Variants in INPP4B observed in about 807,000 individuals in gnomAD.
The protein encoded by INPP4B is inositol polyphosphate 4-phosphatase type II.
A neutral mutation model predicts 122.5 loss-of-function variants in INPP4B; 55 were observed. The observed-to-expected ratio is 0.45, with a 90% CI of 0.36 to 0.56. INPP4B has a LOEUF of 0.56. Among genes scored for constraint, INPP4B ranks in the 20% least tolerant of loss-of-function variants. INPP4B has a pLI of 0.00. For missense variants in INPP4B, 1,000 were observed against 1,097.7 expected (o/e 0.91, Z 1.26); for synonymous variants, 403 against 388.7 (o/e 1.04, Z -0.43).
At chr4:142,091,199 T>C (rs1277195360) in intron 23 of INPP4B, among the ~76,000 whole-genome samples, 1 of 152,180 alleles carries the variant, frequency 6.6e-6, no homozygotes, top group Admixed American at 6.5e-5. Context: ...ATGTGTGCTA[T>C]GTATGATTTG....
chr4:142,574,576 G>T (rs147004835), intron 2 of INPP4B, among the ~76,000 whole-genome samples: 2 of 152,142 alleles, frequency 1.3e-5, no homozygotes, highest in African/African-American at 4.8e-5. Flanking sequence ...ATGTTCTCAC[G>T]TCACTTTCTG....
chr4:142,361,542 T>C (rs932287142), intron 7 of INPP4B, among the ~76,000 whole-genome samples: 7 of 152,034 alleles, frequency 4.6e-5, no homozygotes, highest in African/African-American at 1.2e-4. Context: ...TGAATATATA[T>C]GCTAAGGGCC....
intron 23 of INPP4B, among the ~76,000 whole-genome samples, chr4:142,097,468 G>A (rs1048123880): frequency 1.3e-5 from 2 of 151,772 alleles, no homozygotes; most frequent in Admixed American, 1.3e-4. Flanking sequence ...TGTTGACCAG[G>A]CTGGTCTCAA....
At chr4:142,608,915 C>T (rs756809899) in intron 2 of INPP4B, among the ~76,000 whole-genome samples, 55 of 152,140 alleles carry the variant, frequency 3.6e-4, no homozygotes, top group Admixed American at 1.0e-3. Flanking sequence ...CCACTCTTGT[C>T]ATATTATGTG....
intron 1 of INPP4B, among the ~76,000 whole-genome samples, chr4:142,743,180 G>T (rs961229142): frequency 6.6e-6 from 1 of 151,924 alleles, no homozygotes; most frequent in African/African-American, 2.4e-5. Flanking sequence ...TGCACAACAT[G>T]CAGCACAAAA....
At chr4:142,220,034 C>T (rs1318767944) in intron 12 of INPP4B, among the ~76,000 whole-genome samples, 1 of 152,156 alleles carries the variant, frequency 6.6e-6, no homozygotes, top group Non-Finnish European at 1.5e-5. Flanking sequence ...TGGTACAATA[C>T]AGAGCATTTC....
chr4:142,706,107 T>A (rs940248780), intron 2 of INPP4B, among the ~76,000 whole-genome samples: 1 of 152,228 alleles, frequency 6.6e-6, no homozygotes, highest in Non-Finnish European at 1.5e-5. Context: ...CCATTCTACC[T>A]AAACTTCATG....
chr4:142,256,583 G>C (rs988534920), intron 11 of INPP4B, among the ~76,000 whole-genome samples: 1 of 152,068 alleles, frequency 6.6e-6, no homozygotes, highest in Admixed American at 6.6e-5. Context: ...ACACCTCTAC[G>C]CAAATAAACT....
At chr4:142,070,944 T>C (rs1281475162) in intron 25 of INPP4B, among the ~76,000 whole-genome samples, 1 of 152,150 alleles carries the variant, frequency 6.6e-6, no homozygotes, top group East Asian at 1.9e-4. Flanking sequence ...GCCATCCCCA[T>C]CAAGCTACCA....
intron 1 of INPP4B, among the ~76,000 whole-genome samples, chr4:142,734,703 T>TC (rs1766578584): frequency 6.6e-6 from 1 of 152,144 alleles, no homozygotes; most frequent in South Asian, 2.1e-4. Flanking sequence ...TGGAGTGCAA[T>TC]AGGGCGATCT....
chr4:142,330,938 C>T (rs940380864), intron 7 of INPP4B, among the ~76,000 whole-genome samples: 2 of 152,144 alleles, frequency 1.3e-5, no homozygotes, highest in African/African-American at 2.4e-5. Flanking sequence ...GAGAAGCAAG[C>T]AGTATTTTCA....
chr4:142,178,874 A>G (rs1285311234), intron 15 of INPP4B, among the ~76,000 whole-genome samples: 1 of 151,848 alleles, frequency 6.6e-6, no homozygotes, highest in Admixed American at 6.6e-5. Context: ...ATCCAGAGGA[A>G]GGAATATATA....
intron 7 of INPP4B, among the ~76,000 whole-genome samples, chr4:142,371,446 T>C (rs1277282542): frequency 2.6e-5 from 4 of 152,032 alleles, no homozygotes; most frequent in Non-Finnish European, 5.9e-5. Flanking sequence ...ACCTAGAATG[T>C]TTTTGCATAG....
chr4:142,782,737 T>C (rs1368533291), intron 1 of INPP4B, among the ~76,000 whole-genome samples: 1 of 152,154 alleles, frequency 6.6e-6, no homozygotes, highest in Non-Finnish European at 1.5e-5. Flanking sequence ...TGGCCAGTGA[T>C]GGTGTCACGC....
chr4:142,345,483 C>T (rs1410785851), intron 7 of INPP4B, among the ~76,000 whole-genome samples: 1 of 151,966 alleles, frequency 6.6e-6, no homozygotes. Flanking sequence ...AGGCAGCTCT[C>T]AAATTCCATG....
At chr4:142,531,692 G>C (rs61015428) in intron 2 of INPP4B, among the ~76,000 whole-genome samples, 2,993 of 151,620 alleles carry the variant, frequency 0.02, 84 homozygotes, top group African/African-American at 0.066. Context: ...TTTTTAACAA[G>C]CCTGCGTGAA....
chr4:142,066,149 AT>A (rs1193165090), intron 25 of INPP4B, among the ~76,000 whole-genome samples: 3 of 152,224 alleles, frequency 2.0e-5, no homozygotes, highest in African/African-American at 7.2e-5. Context: ...TTAATTTCTA[AT>A]TATGAACAAT....
intron 1 of INPP4B, among the ~76,000 whole-genome samples, chr4:142,824,314 A>ATCTATCTATCTCTATCTCTATC (rs70949192): frequency 0.016 from 2,381 of 150,706 alleles, 59 homozygotes; most frequent in African/African-American, 0.054. Flanking sequence ...CTGTCTATCT[A>ATCTATCTATCTCTATCTCTATC]TCTATCTCTA....
intron 17 of INPP4B, among the ~76,000 whole-genome samples, chr4:142,147,149 G>A (rs974908483): frequency 6.6e-6 from 1 of 152,068 alleles, no homozygotes; most frequent in Non-Finnish European, 1.5e-5. Flanking sequence ...TTCAGTGGGT[G>A]CTTTCTCTAT....
Sources: allele counts gnomAD v4.1 joint callset (sites outside exome capture counted in the v4.1 genomes callset), GRCh38; gene constraint gnomAD v4.1.1; transcripts MANE v1.5; gene names NCBI Gene and HGNC (gene_info 2026-07-23, HGNC 2026-07-21).